Variants in PDE4C observed in about 807,000 individuals in gnomAD.
PDE4C encodes 3',5'-cyclic-AMP phosphodiesterase 4C.
In PDE4C, 50 loss-of-function variants were observed where a neutral mutation model predicts 63.9. The ratio of observed to expected loss-of-function variants is 0.78; its 90% CI spans 0.62 to 0.99. PDE4C has a LOEUF of 0.99. PDE4C is among the 50% of genes least tolerant of loss of function. The probability of loss-of-function intolerance (pLI) is 0.00; values close to 1 mark genes in which losing one functional copy is unlikely to be tolerated. For missense variants in PDE4C, 777 were observed against 899.1 expected (o/e 0.86, Z 1.74); for synonymous variants, 377 against 385.1 (o/e 0.98, Z 0.25).
Position 18,220,446 on chromosome 19 carries a change from G to A in PDE4C, c.569C>T (p.Thr190Met). Reference sequence around the variant, plus strand: ...CCCCACCGAGTGCCGGGTCTGCAGCGTCTCCAACTGATCCAGGCACCAGTC... The same window carrying A: ...CCCCACCGAGTGCCGGGTCTGCAGCATCTCCAACTGATCCAGGCACCAGTC... The change falls in exon 6 of 15, where the codon ACG becomes ATG. Residue 190 changes from threonine to methionine, a missense_variant. Physicochemically the swap from Thr to Met is moderately conservative, Grantham distance 81. Around this residue, in one of 3 missense-constraint regions of PDE4C, gnomAD observed 28 missense variants for 53.5 expected, o/e 0.52. Coordinates refer to ENST00000262805, the Ensembl canonical transcript of PDE4C. This position sits in a 1 kb window ranked among gnomAD's most constrained non-coding sequence, Gnocchi z 5.1. 6.2e-7 allele frequency: 1 copy of A among 1,614,170 alleles called. No homozygotes were observed. The highest frequency in any genetic ancestry group is 8.5e-7 in the Non-Finnish European group (1 of 1,180,024).
chr19:18,229,139 G>A (rs1968799193), upstream of PDE4C, among the ~76,000 whole-genome samples: 1 of 131,950 alleles, frequency 7.6e-6, no homozygotes, highest in South Asian at 2.4e-4. Context: ...TAGTAGAGAC[G>A]AGGTTTCACT....
rs540743261 is a variant in PDE4C, at chr19:18,242,758, C to T, written c.-210+5413G>A. 2.1e-5 allele frequency among the ~76,000 whole-genome samples: 3 copies of T among 142,964 alleles called. No individual in the cohort carries two copies. The South Asian group carries it at 6.6e-4, about 31-fold the overall frequency. The allele number at this position is 142,964 out of a possible 152,430, so 93.8% of individuals were successfully genotyped here. A position where few individuals can be genotyped will look rare whatever the true frequency, so the allele number is the denominator to read the frequency against. On this transcript the variant is annotated intron_variant, in intron 1 of 15. Transcript: ENST00000594617. ...CAAGATCGCACCACTGCACTCTAGC[C>T]TGGGCCACAGAGCAAGACTTTCACC...
At chr19:18,236,386 C>G (rs879740782), upstream of PDE4C, among the ~76,000 whole-genome samples, 4 of 152,074 alleles carry the variant, frequency 2.6e-5, no homozygotes, top group African/African-American at 4.8e-5. Flanking sequence ...CACCCCACAA[C>G]TAATTTTTGT....
intron 1 of PDE4C, chr19:18,225,471 C>T (rs1345049996): frequency 6.6e-6 from 1 of 152,272 alleles, no homozygotes; most frequent in Non-Finnish European, 1.5e-5. Flanking sequence ...CCTCCAACCC[C>T]AGCTATGACC....
At chr19:18,235,937 G>A (rs1968942421), upstream of PDE4C, among the ~76,000 whole-genome samples, 1 of 151,764 alleles carries the variant, frequency 6.6e-6, no homozygotes, top group African/African-American at 2.4e-5. Context: ...TTGTTTTACT[G>A]TTTTTTGTTT....
chr19:18,253,135 C>T (rs969705664), upstream of PDE4C, among the ~76,000 whole-genome samples: 1 of 152,130 alleles, frequency 6.6e-6, no homozygotes, highest in African/African-American at 2.4e-5. Context: ...GCATCCCAGG[C>T]AGTGCTGGGC....
At chr19:18,249,739 A>G (rs1969207330), upstream of PDE4C, among the ~76,000 whole-genome samples, 1 of 151,796 alleles carries the variant, frequency 6.6e-6, no homozygotes, top group South Asian at 2.1e-4. Context: ...CGCTCAGCTA[A>G]TTTTTGTATT....
chr19:18,249,864 C>T (rs1426200631), upstream of PDE4C: 2 of 350,500 alleles, frequency 5.7e-6, no homozygotes, highest in Non-Finnish European at 1.0e-5. Context: ...TGAACCACCG[C>T]ACCCAGCCAA....
rs760819763 is a variant in PDE4C at position 18,213,444 on chromosome 19, AG to A, written c.1435del (p.Leu479SerfsTer10). On this transcript the variant is annotated frameshift_variant, in exon 13 of 15. Transcript: ENST00000262805. LOFTEE classifies it high-confidence loss of function. ...CTTCTTGGTCTCCACCATGGTCTTGAGGTCGGCCAGGAGGTTCATGTGTTTG... is the reference window on the plus strand; with the variant it reads ...CTTCTTGGTCTCCACCATGGTCTTGAGTCGGCCAGGAGGTTCATGTGTTTG... 2 of 1,613,626 alleles carry A rather than the reference AG, an allele frequency of 1.2e-6. No individual in the cohort carries two copies. The highest frequency in any genetic ancestry group is 1.7e-6 in the Non-Finnish European group (2 of 1,179,702).
At chr19:18,233,668 C>A in exon 1 of PDE4C, 1 of 359,130 alleles carries the variant, frequency 2.8e-6, no homozygotes, top group South Asian at 2.0e-5. Flanking sequence ...AAAAAGGTAG[C>A]TTTGGGTTCT....
chr19:18,220,541 T>C lies in PDE4C; in HGVS notation c.500-26A>G, dbSNP rs1238278074. On this transcript the variant is annotated intron_variant, in intron 5 of 14. Coordinates refer to ENST00000262805, the Ensembl canonical transcript of PDE4C. This position sits in a 1 kb window ranked among gnomAD's most constrained non-coding sequence, Gnocchi z 5.1. ...CTGGGAGCCGAGGCAGTCAGGGGCC[T>C]GCCCAACCCCCCCGCTCAGGGACCC... 1.9e-6 allele frequency: 3 copies of C among 1,544,674 alleles called. No homozygotes were observed. The highest frequency in any genetic ancestry group is 2.6e-6 in the Non-Finnish European group (3 of 1,137,958).
At chr19:18,252,602 CTCTT>C (rs1489349693), upstream of PDE4C, 1 of 387,278 alleles carries the variant, frequency 2.6e-6, no homozygotes, top group East Asian at 3.6e-5. Context: ...CTCTCTCTCT[CTCTT>C]TCTCTCTCTC....
At chr19:18,222,703 T>TTC (rs1968546363) in intron 1 of PDE4C, among the ~76,000 whole-genome samples, 2 of 132,906 alleles carry the variant, frequency 1.5e-5, no homozygotes, top group African/African-American at 5.4e-5. Flanking sequence ...TTCTTTTCTT[T>TTC]TTTTTTTTTT....
intron 1 of PDE4C, among the ~76,000 whole-genome samples, chr19:18,244,385 C>T (rs977194767): frequency 6.6e-6 from 1 of 151,966 alleles, no homozygotes; most frequent in African/African-American, 2.4e-5. Context: ...GCCTCGGCCC[C>T]CTGGGATAAA....
At chr19:18,216,966 G>T in intron 11 of PDE4C, 71 bp from the exon 12 acceptor site, 1 of 1,508,100 alleles carries the variant, frequency 6.6e-7, no homozygotes. Context: ...GCAGCTTTTG[G>T]AAATCCTTAG....
intron 9 of PDE4C, among the ~76,000 whole-genome samples, 180 bp from the exon 10 acceptor site, chr19:18,218,678 G>A (rs1174288950): frequency 6.6e-6 from 1 of 152,234 alleles, no homozygotes; most frequent in East Asian, 1.9e-4. Context: ...TGACCCTACA[G>A]GACTGGGGGT....
intron 1 of PDE4C, chr19:18,225,890 T>C (rs1600090400): frequency 5.3e-6 from 1 of 190,190 alleles, no homozygotes; most frequent in Non-Finnish European, 1.1e-5. Flanking sequence ...GAGTGCCCCT[T>C]CCCCCTCCTC....
chr19:18,226,608 T>A (rs1304802390), upstream of PDE4C: 9 of 282,836 alleles, frequency 3.2e-5, no homozygotes, highest in Non-Finnish European at 4.5e-5. Flanking sequence ...TCTGCTCCTT[T>A]TTTTTTTTTT....
At chr19:18,229,315 A>G (rs1968802338), upstream of PDE4C, among the ~76,000 whole-genome samples, 1 of 151,564 alleles carries the variant, frequency 6.6e-6, no homozygotes, top group Admixed American at 6.6e-5. Context: ...ATCTTGGCTC[A>G]CTGCAACCTC....
Sources: allele counts gnomAD v4.1 joint callset (sites outside exome capture counted in the v4.1 genomes callset), GRCh38; gene constraint gnomAD v4.1.1; regional missense constraint gnomAD v4.1.1; non-coding constraint Gnocchi (gnomAD v3.1); transcripts MANE v1.5; gene names NCBI Gene and HGNC (gene_info 2026-07-23, HGNC 2026-07-21).